The following CDH12 variants were observed in gnomAD, a reference collection of about 807,000 sequenced individuals.
CDH12 encodes the protein cadherin 12.
CDH12 carries 41 observed loss-of-function variants against 74.1 expected under a neutral mutation model. The ratio of observed to expected loss-of-function variants is 0.55; its 90% CI spans 0.43 to 0.72. The LOEUF (loss-of-function observed/expected upper bound fraction) is 0.72, where lower values mean the gene tolerates loss of function less well. Among genes scored for constraint, CDH12 ranks in the 30% least tolerant of loss-of-function variants. The pLI is 0.00. For missense variants in CDH12, 945 were observed against 977.2 expected (o/e 0.97, Z 0.44); for synonymous variants, 399 against 355.0 (o/e 1.12, Z -1.39).
intron 8 of CDH12, among the ~76,000 whole-genome samples, chr5:21,826,169 C>T (rs768851937): frequency 6.6e-6 from 1 of 152,096 alleles, no homozygotes; most frequent in Non-Finnish European, 1.5e-5. Context: ...ATTTTAACTC[C>T]AGCCTATATT....
At chr5:22,740,820 T>C (rs1252649799) in intron 1 of CDH12, among the ~76,000 whole-genome samples, 1 of 152,108 alleles carries the variant, frequency 6.6e-6, no homozygotes, top group Non-Finnish European at 1.5e-5. Context: ...AGATTACCTA[T>C]AGAACTGAAT....
At chr5:22,538,117 G>C (rs948334933) in intron 1 of CDH12, among the ~76,000 whole-genome samples, 1 of 152,094 alleles carries the variant, frequency 6.6e-6, no homozygotes, top group African/African-American at 2.4e-5. Context: ...AAGGCATCAG[G>C]CTAATCTTTT....
chr5:22,780,678 A>G (rs902071722), intron 1 of CDH12, among the ~76,000 whole-genome samples: 2 of 152,066 alleles, frequency 1.3e-5, no homozygotes, highest in African/African-American at 4.8e-5. Context: ...GGGACCTACA[A>G]TTCAAGATGA....
chr5:22,262,926 G>A (rs939758003), intron 3 of CDH12, among the ~76,000 whole-genome samples: 27 of 151,522 alleles, frequency 1.8e-4, no homozygotes, highest in South Asian at 2.1e-4. Context: ...GAAAATTTTC[G>A]CAACCTACTC....
intron 3 of CDH12, among the ~76,000 whole-genome samples, chr5:22,280,086 A>G (rs946683758): frequency 5.9e-5 from 9 of 152,094 alleles, no homozygotes; most frequent in African/African-American, 1.4e-4. Context: ...GTGTGAGATG[A>G]TATCTCATTG....
chr5:22,126,104 C>A (rs1296891087), intron 4 of CDH12, among the ~76,000 whole-genome samples: 1 of 151,798 alleles, frequency 6.6e-6, no homozygotes, highest in African/African-American at 2.4e-5. Context: ...ATAAAGCTTA[C>A]ATAGGAGTAA....
intron 1 of CDH12, among the ~76,000 whole-genome samples, chr5:22,521,445 A>T (rs1737051360): frequency 6.6e-6 from 1 of 152,100 alleles, no homozygotes; most frequent in Non-Finnish European, 1.5e-5. Context: ...CTTTAGTAAA[A>T]ATTATAGACA....
intron 4 of CDH12, among the ~76,000 whole-genome samples, chr5:22,088,399 C>G (rs565701813): frequency 6.6e-5 from 10 of 152,226 alleles, no homozygotes; most frequent in African/African-American, 1.9e-4. Flanking sequence ...GTCAAGCATA[C>G]TGGGACCTCC....
chr5:22,233,977 A>C (rs905010154), intron 3 of CDH12, among the ~76,000 whole-genome samples: 1 of 152,200 alleles, frequency 6.6e-6, no homozygotes. Context: ...AATTTGAATT[A>C]GTTTATATAA....
chr5:21,799,688 A>C (rs1163505893), intron 10 of CDH12, among the ~76,000 whole-genome samples: 2 of 152,190 alleles, frequency 1.3e-5, no homozygotes, highest in African/African-American at 4.8e-5. Context: ...AGCATTCATA[A>C]TTCTCCAAAT....
Position 22,072,119 on chromosome 5 carries a change from T to A in CDH12, c.231+6327A>T, listed in dbSNP as rs983096210. ...CCCTATCTCTACACCTTTTTCCCCG[T>A]CTTCAATGCATCTTTTAATTGGCTG... On this transcript the variant is annotated intron_variant, in intron 5 of 14. Transcript: ENST00000382254. 3.9e-5 allele frequency among the ~76,000 whole-genome samples: 6 copies of A among 152,244 alleles called. No homozygotes were observed. In the East Asian group the frequency reaches 9.6e-4, roughly 24 times the overall value.
intron 4 of CDH12, among the ~76,000 whole-genome samples, chr5:22,186,004 G>C (rs972476547): frequency 2.6e-5 from 4 of 152,106 alleles, no homozygotes; most frequent in African/African-American, 9.7e-5. Context: ...AGAAATACTT[G>C]AGTCATTCAT....
At chr5:22,347,867 C>T (rs1740183791) in intron 3 of CDH12, among the ~76,000 whole-genome samples, 1 of 152,116 alleles carries the variant, frequency 6.6e-6, no homozygotes, top group Admixed American at 6.5e-5. Context: ...CTGTCTACCC[C>T]ATGTGGATTT....
At chr5:21,920,263 A>G (rs1754290027) in intron 6 of CDH12, among the ~76,000 whole-genome samples, 1 of 152,218 alleles carries the variant, frequency 6.6e-6, no homozygotes, top group Non-Finnish European at 1.5e-5. Context: ...GTGAGCAGAC[A>G]TGTAATGTAA....
chr5:22,656,348 T>C (rs1740034589), intron 1 of CDH12, among the ~76,000 whole-genome samples: 1 of 152,134 alleles, frequency 6.6e-6, no homozygotes, highest in South Asian at 2.1e-4. Context: ...ACTTTAAAAA[T>C]ATGCAAAAGA....
intron 3 of CDH12, among the ~76,000 whole-genome samples, chr5:22,264,783 G>T (rs530490991): frequency 6.6e-6 from 1 of 152,292 alleles, no homozygotes; most frequent in South Asian, 2.1e-4. Context: ...ATTTCAGAAA[G>T]AAATGTCTTC....
intron 4 of CDH12, among the ~76,000 whole-genome samples, chr5:22,186,514 A>T (rs1209215482): frequency 6.6e-6 from 1 of 152,204 alleles, no homozygotes; most frequent in Non-Finnish European, 1.5e-5. Context: ...TCTTTTGCCC[A>T]GGCTGGAGTG....
chr5:22,693,378 G>A lies in CDH12; in HGVS notation c.-523+159680C>T, dbSNP rs185483653. Reference sequence around the variant, plus strand: ...CTTGTGAGAGTGTGTGGGGACTGGCGGGGGTGTGGACAGGGAAACTTCTCA... The same window carrying A: ...CTTGTGAGAGTGTGTGGGGACTGGCAGGGGTGTGGACAGGGAAACTTCTCA... On this transcript the variant is annotated intron_variant, in intron 1 of 14. Coordinates refer to ENST00000382254, the MANE Select transcript of CDH12 (RefSeq NM_004061.5). 1.2e-4 allele frequency among the ~76,000 whole-genome samples: 18 copies of A among 152,182 alleles called. No homozygotes were observed. In the East Asian group the frequency reaches 3.1e-3, roughly 26 times the overall value.
intron 1 of CDH12, among the ~76,000 whole-genome samples, chr5:22,709,022 G>T (rs1371643822): frequency 1.3e-5 from 2 of 152,070 alleles, no homozygotes; most frequent in Non-Finnish European, 2.9e-5. Context: ...AGCTTGAACT[G>T]GGACCTAAAA....
Sources: allele counts gnomAD v4.1 joint callset (sites outside exome capture counted in the v4.1 genomes callset), GRCh38; gene constraint gnomAD v4.1.1; transcripts MANE v1.5; gene names NCBI Gene and HGNC (gene_info 2026-07-23, HGNC 2026-07-21).